ELAC2: variants seen among roughly 807,000 people sequenced by gnomAD.
ELAC2 encodes zinc phosphodiesterase ELAC protein 2.
A neutral mutation model predicts 105.2 loss-of-function variants in ELAC2; 92 were observed. The observed-to-expected ratio is 0.87, with a 90% CI of 0.74 to 1.04. ELAC2 has a LOEUF of 1.04. ELAC2 is among the 50% of genes least tolerant of loss of function. The pLI, the probability that ELAC2 is intolerant of heterozygous loss-of-function variation, is 0.00. For missense variants in ELAC2, 1,099 were observed against 1,071.7 expected, an observed-to-expected ratio of 1.03 and a Z score of -0.36; for synonymous variants, 468 against 409.1, an observed-to-expected ratio of 1.14 and a Z score of -1.74.
rs746289536 is a variant in ELAC2, at chr17:12,994,801, G to C, written c.1992C>G (p.Ser664=). The C allele has an allele frequency of 1.2e-6, 2 of 1,613,974 alleles. No individual in the cohort carries two copies. Among genetic ancestry groups the C allele is most frequent in the African/African-American group, 2.7e-5 (2 of 75,044 alleles). The change falls in exon 21 of 24, where the codon TCC becomes TCG. Residue 664 remains serine, a synonymous_variant. Coordinates refer to ENST00000338034, the MANE Select transcript of ELAC2 (RefSeq NM_018127.7). The stretch of plus-strand genomic sequence containing the variant: ...GAGCCTCGCAGGGCATGGTGTCCCC[G>C]GAATAGACCACTTTCCAGCCAGAGG... The part of the protein sequence containing the change: ...VHTSGWKVVY[S]GDTMPCEALV...
At chr17:13,001,173 G>A (rs938409679) in intron 14 of ELAC2, among the ~76,000 whole-genome samples, 4 of 152,130 alleles carry the variant, frequency 2.6e-5, no homozygotes, top group African/African-American at 9.7e-5. Context: ...GAGTGGGCAG[G>A]AAACTTAAAA....
chr17:13,007,136 AAC>A (rs200590885), intron 8 of ELAC2, among the ~76,000 whole-genome samples: 1 of 152,058 alleles, frequency 6.6e-6, no homozygotes, highest in African/African-American at 2.4e-5. Context: ...AAAAAAAAAA[AAC>A]CCTAATATGC....
In ELAC2 at chr17:12,992,609, C is replaced by T. The variant is rs2040239535; in HGVS notation, c.*209G>A. On this transcript the variant is annotated 3_prime_UTR_variant, in exon 24 of 24. Coordinates refer to ENST00000338034, the MANE Select transcript of ELAC2 (RefSeq NM_018127.7). ...GCTTCCGTGTGGCAGCCTCCTGGCC[C>T]GCGGCTGTGCCAGGCACCAGTCCTA... The T allele has an allele frequency of 9.9e-6, 6 of 604,370 alleles. No homozygotes were observed. The highest frequency in any genetic ancestry group is 1.7e-5 in the Non-Finnish European group (6 of 343,898). The allele number at this position is 604,370 out of a possible 1,614,324, so 37.4% of individuals were successfully genotyped here.
rs1388096947 is a variant in ELAC2, at chr17:13,000,014, T to C, written c.1423+142A>G. 11 of 748,916 alleles carry C rather than the reference T, an allele frequency of 1.5e-5. No homozygotes were observed. The South Asian group carries it at 1.6e-4, about 11-fold the overall frequency. 46.4% of individuals were successfully genotyped at this position (748,916 alleles called of 1,614,324 possible). A position where few individuals can be genotyped will look rare whatever the true frequency, so the allele number is the denominator to read the frequency against. ...CCTCCTCCAATGACTATAATTCTAA[T>C]GTAGAGCTGAGTAGAGAAGCCCTGG... On this transcript the variant is annotated intron_variant, in intron 15 of 23. Transcript: ENST00000338034.
At chr17:13,006,361 G>T in intron 8 of ELAC2, 1 of 219,224 alleles carries the variant, frequency 4.6e-6, no homozygotes, top group Non-Finnish European at 9.3e-6. Flanking sequence ...AAAAGCGAAA[G>T]TCTGTCTCAA....
rs2040357246 is a variant in ELAC2 at position 12,994,360 on chromosome 17, G to A, written c.2108+65C>T. On this transcript the variant is annotated intron_variant, in intron 22 of 23. Transcript: ENST00000338034. Reference sequence around the variant, plus strand: ...ACATCAGTGGAGACAAACGACGGCTGCTCAGTGTCACGTAGTGGGGGAGGG... The same window carrying A: ...ACATCAGTGGAGACAAACGACGGCTACTCAGTGTCACGTAGTGGGGGAGGG... The A allele has an allele frequency of 3.2e-6, 5 of 1,572,218 alleles. No individual in the cohort carries two copies. The Admixed American group carries it at 5.0e-5, about 16-fold the overall frequency.
At chr17:13,000,306 C>T (rs371133505) in intron 14 of ELAC2, 32 bp from the exon 15 acceptor site, 12 of 1,599,442 alleles carry the variant, frequency 7.5e-6, no homozygotes, top group East Asian at 4.5e-5. Context: ...TCTCAGGTGA[C>T]GGACAGGGTA....
At position 12,995,921 on chromosome 17, in the gene ELAC2, C is replaced by G; in HGVS notation, c.1698+19G>C. The G allele has an allele frequency of 6.3e-7, 1 of 1,590,490 alleles. No individual in the cohort carries two copies. Reference sequence around the variant, plus strand: ...GTAAACCGCTGAAACTCAGAACGCCCATCAAGTGCCACACTTACCAAGGCG... The same window carrying G: ...GTAAACCGCTGAAACTCAGAACGCCGATCAAGTGCCACACTTACCAAGGCG... On this transcript the variant is annotated intron_variant, in intron 18 of 23. Transcript: ENST00000338034.
At position 13,017,198 on chromosome 17, in the gene ELAC2, T is replaced by C. The variant is rs375918794; in HGVS notation, c.246-77A>G. The stretch of plus-strand genomic sequence containing the variant: ...CTCTGACACCAATTAGATGTTTTAT[T>C]GTAGACTCTGGAAAAAAAAAAAAGA... On this transcript the variant is annotated intron_variant, in intron 1 of 23. Transcript: ENST00000338034. The C allele has an allele frequency of 2.6e-4, 350 of 1,341,628 alleles. 1 individual carries two copies. The South Asian group carries it at 4.0e-3, about 15-fold the overall frequency. 83.1% of individuals were successfully genotyped at this position (1,341,628 alleles called of 1,614,324 possible).
At chr17:12,995,128 A>C in intron 19 of ELAC2, 66 bp from the exon 20 acceptor site, 1 of 1,547,140 alleles carries the variant, frequency 6.5e-7, no homozygotes, top group Non-Finnish European at 8.9e-7. Flanking sequence ...CCAAAGTTTA[A>C]GTCTTTGGCT....
In ELAC2 at chr17:13,005,121, CG is replaced by C. The variant is rs1567758775; in HGVS notation, c.871-21del. 6.4e-7 allele frequency: 1 copy of C among 1,568,666 alleles called. No homozygotes were observed. On this transcript the variant is annotated intron_variant, in intron 10 of 23. Coordinates refer to ENST00000338034, the MANE Select transcript of ELAC2 (RefSeq NM_018127.7). ...CAAAATCTGCAAAACCAAATAAGCC[CG>C]CCCACTGGGGGTCACAGCTCAGCCA...
chr17:12,994,557 G>A lies in ELAC2; in HGVS notation c.2030-54C>T, dbSNP rs568498595. 334 of 1,608,878 alleles carry A rather than the reference G, an allele frequency of 2.1e-4. 2 individuals carry two copies. In the South Asian group the frequency reaches 2.9e-3, roughly 14 times the overall value. Reference sequence around the variant, plus strand: ...GAGTTCTCTGCGAGAGCGGCACACAGGCCTCAGTCACGTGCTGTTTCCTGG... The same window carrying A: ...GAGTTCTCTGCGAGAGCGGCACACAAGCCTCAGTCACGTGCTGTTTCCTGG... On this transcript the variant is annotated intron_variant, in intron 21 of 23. Coordinates refer to ENST00000338034, the MANE Select transcript of ELAC2 (RefSeq NM_018127.7).
chr17:12,993,719 C>T lies in ELAC2; in HGVS notation c.2221G>A (p.Glu741Lys), dbSNP rs376277988. The T allele has an allele frequency of 3.0e-5, 48 of 1,614,050 alleles. No individual in the cohort carries two copies. Among genetic ancestry groups the T allele is most frequent in the Admixed American group, 3.3e-5 (2 of 59,998 alleles). Residue 741 changes from glutamate (E) to lysine (K), a missense_variant, in exon 23 of 24, where the codon GAG becomes AAG. Physicochemically the swap from Glu to Lys is moderately conservative, Grantham distance 56. Transcript: ENST00000338034. Reference protein sequence around the residue: ...KVPLFSPNFSEKVGVAFDHMK... With the variant: ...KVPLFSPNFSKKVGVAFDHMK... ...TGGTCAAAGGCAACTCCCACTTTCT[C>T]GCTGAAGTTGGGGCTGAAGAGGGGG...
In ELAC2 at chr17:13,017,686, G is replaced by T. The variant is rs754772263; in HGVS notation, c.245+17C>A. The T allele has an allele frequency of 2.5e-6, 4 of 1,613,216 alleles. No homozygotes were observed. The Admixed American group carries it at 5.0e-5, about 20-fold the overall frequency. On this transcript the variant is annotated intron_variant, in intron 1 of 23. Coordinates refer to ENST00000338034, the MANE Select transcript of ELAC2 (RefSeq NM_018127.7). ...CACTGAGGGCCCAGCGGGACGGGGC[G>T]TGGCTCGTTGACTGACCGGTTGAAC... is the stretch of plus-strand genomic sequence containing the variant.
At position 12,992,612 on chromosome 17, in the gene ELAC2, G is replaced by A. The variant is rs1044569; in HGVS notation, c.*206C>T. 0.59 allele frequency: 357,050 copies of A among 606,774 alleles called. 105,870 individuals carry two copies. The highest frequency in any genetic ancestry group is 0.62 in the Non-Finnish European group (215,559 of 346,520). 37.6% of individuals were successfully genotyped at this position (606,774 alleles called of 1,614,324 possible). ...TCCGTGTGGCAGCCTCCTGGCCCGC[G>A]GCTGTGCCAGGCACCAGTCCTAAGA... On this transcript the variant is annotated 3_prime_UTR_variant, in exon 24 of 24. Transcript: ENST00000338034.
intron 6 of ELAC2, 34 bp downstream of exon 6, chr17:13,013,173 C>T (rs1280657938): frequency 6.2e-7 from 1 of 1,609,708 alleles, no homozygotes; most frequent in Non-Finnish European, 8.5e-7. Context: ...AGGACGTACA[C>T]CCTCCTCCTG....
Position 12,992,698 on chromosome 17 carries a change from A to G in ELAC2, c.*120T>C. The stretch of plus-strand genomic sequence containing the variant: ...GCCTCGGCACAGCTCCATACCACCT[A>G]TCCTGAGCTGCCTCCTGGGGGACCG... On this transcript the variant is annotated 3_prime_UTR_variant, in exon 24 of 24. Transcript: ENST00000338034. 8.2e-7 allele frequency: 1 copy of G among 1,225,104 alleles called. No homozygotes were observed. The highest frequency in any genetic ancestry group is 1.2e-6 in the Non-Finnish European group (1 of 856,288). 75.9% of individuals were successfully genotyped at this position (1,225,104 alleles called of 1,614,324 possible).
Position 13,002,576 on chromosome 17 carries a change from A to G in ELAC2, c.1083T>C (p.Phe361=). The G allele has an allele frequency of 3.8e-6, 6 of 1,599,492 alleles. No individual in the cohort carries two copies. Among genetic ancestry groups the G allele is most frequent in the Non-Finnish European group, 5.1e-6 (6 of 1,171,608 alleles). Residue 361 remains phenylalanine (F), a synonymous_variant, in exon 13 of 24, where the codon TTT becomes TTC. Transcript: ENST00000338034. ...DSRYQQWMER[F]GPDTQHLVLN... is the part of the protein sequence containing the mutation. ...GGACCAAGTGCTGGGTGTCAGGCCC[A>G]AACCTGTGAAGAAACAGACCCGGCA...
chr17:13,007,938 C>T (rs1423421061), intron 8 of ELAC2, among the ~76,000 whole-genome samples: 2 of 152,028 alleles, frequency 1.3e-5, no homozygotes, highest in Non-Finnish European at 2.9e-5. Flanking sequence ...TGGTGGTTCA[C>T]TCCTGTAACC....
Sources: gnomAD v4.1 joint callset for allele counts (sites outside exome capture counted in the v4.1 genomes callset) on GRCh38, gnomAD v4.1.1 for gene constraint, MANE v1.5 for transcripts, NCBI Gene and HGNC (gene_info 2026-07-23, HGNC 2026-07-21) for gene names.